Variants in UMAD1 observed in about 807,000 individuals in gnomAD.
UMAD1 encodes UBAP1-MVB12-associated (UMA) domain containing 1, also known as UBAP1-MVB12-associated (UMA)-domain containing protein 1.
UMAD1 carries 8 observed loss-of-function variants against 6.1 expected under a neutral mutation model. The observed-to-expected ratio is 1.30, with a 90% CI of 0.76 to 2.35. The LOEUF (loss-of-function observed/expected upper bound fraction) is 2.35. Among genes scored for constraint, UMAD1 ranks in the 30% most tolerant of loss-of-function variants. The probability of loss-of-function intolerance (pLI) is 0.00; values close to 1 mark genes in which losing one functional copy is unlikely to be tolerated. For missense variants in UMAD1, 130 were observed against 78.4 expected, an observed-to-expected ratio of 1.66 and a Z score of -2.49; for synonymous variants, 56 against 31.4, an observed-to-expected ratio of 1.78 and a Z score of -2.61.
intron 2 of UMAD1, among the ~76,000 whole-genome samples, chr7:7,779,882 G>A (rs918615408): frequency 2.6e-5 from 4 of 152,242 alleles, no homozygotes; most frequent in Admixed American, 1.3e-4. Context: ...GAACTCAAGC[G>A]ATCCGCCAGC....
At chr7:7,806,512 G>A (rs1175933500) in intron 3 of UMAD1, among the ~76,000 whole-genome samples, 1 of 152,068 alleles carries the variant, frequency 6.6e-6, no homozygotes, top group Admixed American at 6.5e-5. Context: ...TAACATAAAT[G>A]CCCTGTCAAT....
At chr7:7,734,067 CA>C (rs1781304749) in intron 2 of UMAD1, among the ~76,000 whole-genome samples, 1 of 152,030 alleles carries the variant, frequency 6.6e-6, no homozygotes, top group African/African-American at 2.4e-5. Context: ...CCCCCGCAAC[CA>C]ACCCTTTTTT....
chr7:7,646,859 G>T (rs1785107312), intron 1 of UMAD1, among the ~76,000 whole-genome samples: 1 of 152,102 alleles, frequency 6.6e-6, no homozygotes, highest in South Asian at 2.1e-4. Context: ...CCTGGGGTTT[G>T]GGGTTTATAT....
At chr7:7,767,181 G>C (rs1782004967) in intron 2 of UMAD1, among the ~76,000 whole-genome samples, 1 of 144,788 alleles carries the variant, frequency 6.9e-6, no homozygotes, top group Non-Finnish European at 1.5e-5. Flanking sequence ...CTGGAGTGCA[G>C]TGGCACAATC....
chr7:7,761,837 T>C (rs1214336107), intron 2 of UMAD1, among the ~76,000 whole-genome samples: 2 of 152,214 alleles, frequency 1.3e-5, no homozygotes, highest in Admixed American at 1.3e-4. Flanking sequence ...CTCTTTTGTA[T>C]TCCATACACC....
intron 2 of UMAD1, among the ~76,000 whole-genome samples, chr7:7,768,167 C>G (rs1399073668): frequency 6.6e-6 from 1 of 152,080 alleles, no homozygotes; most frequent in Non-Finnish European, 1.5e-5. Context: ...GCCCAATACC[C>G]TGGCAGATTT....
intron 3 of UMAD1, among the ~76,000 whole-genome samples, chr7:7,838,466 A>G (rs1554334132): frequency 6.6e-6 from 1 of 152,214 alleles, no homozygotes; most frequent in Non-Finnish European, 1.5e-5. Context: ...ATATCAATAA[A>G]TGGTAAAAGA....
chr7:7,815,132 A>G (rs1437045844), intron 3 of UMAD1, among the ~76,000 whole-genome samples: 1 of 152,148 alleles, frequency 6.6e-6, no homozygotes, highest in African/African-American at 2.4e-5. Flanking sequence ...CTCGGGAGTG[A>G]TGGTTCCTCA....
chr7:7,873,406 T>A (rs768773081), intron 3 of UMAD1, among the ~76,000 whole-genome samples: 3 of 152,172 alleles, frequency 2.0e-5, no homozygotes, highest in Non-Finnish European at 4.4e-5. Context: ...GAGAATAGAA[T>A]GGTGGTGTCA....
intron 1 of UMAD1, among the ~76,000 whole-genome samples, chr7:7,644,306 T>A (rs970172229): frequency 3.9e-5 from 6 of 152,042 alleles, no homozygotes; most frequent in African/African-American, 1.4e-4. Context: ...ATGGTACAAG[T>A]GTTGTCTGTT....
intron 1 of UMAD1, among the ~76,000 whole-genome samples, chr7:7,655,661 C>T (rs1010255207): frequency 6.6e-6 from 1 of 152,046 alleles, no homozygotes; most frequent in African/African-American, 2.4e-5. Flanking sequence ...TATAACTTCC[C>T]TTTTTAATGG....
At chr7:7,697,910 A>G (rs989801033) in intron 2 of UMAD1, among the ~76,000 whole-genome samples, 2 of 152,162 alleles carry the variant, frequency 1.3e-5, no homozygotes, top group Non-Finnish European at 2.9e-5. Context: ...GAAAATTTTG[A>G]TATTCCCTCA....
At chr7:7,778,263 TGTGTGTGTGTGTGAGAGA>T (rs1306443661) in intron 2 of UMAD1, among the ~76,000 whole-genome samples, 1 of 135,778 alleles carries the variant, frequency 7.4e-6, no homozygotes, top group African/African-American at 2.9e-5. Flanking sequence ...TGTGTGTGTG[TGTGTGTGTGTGTGAGAGA>T]GAGAGAGAGA....
chr7:7,807,903 G>C (rs777930008), intron 3 of UMAD1, among the ~76,000 whole-genome samples: 61 of 151,982 alleles, frequency 4.0e-4, no homozygotes, highest in Non-Finnish European at 7.7e-4. Flanking sequence ...CTACATCATA[G>C]TTTCCTATGT....
intron 2 of UMAD1, among the ~76,000 whole-genome samples, chr7:7,762,012 T>C (rs527246275): frequency 3.3e-5 from 5 of 152,250 alleles, no homozygotes; most frequent in African/African-American, 1.2e-4. Context: ...CAGTTGCAGG[T>C]TTTTCAGGAG....
Position 7,695,100 on chromosome 7 carries a change from T to C in UMAD1, c.82+21647T>C, listed in dbSNP as rs577593443. On this transcript the variant is annotated intron_variant, in intron 2 of 3. Coordinates refer to ENST00000682710, the MANE Select transcript of UMAD1 (RefSeq NM_001302348.2). ...CCATTTTAACTGGGGTGAGATGATA[T>C]CTTGTTGTAATTATGATTTGCTTTC... Among the ~76,000 whole-genome samples, 236 of 152,326 alleles carry C rather than the reference T, an allele frequency of 1.5e-3. 1 individual carries two copies. The highest frequency in any genetic ancestry group is 5.4e-3 in the African/African-American group (225 of 41,576).
Position 7,676,008 on chromosome 7 carries a change from G to GT in UMAD1, c.82+2559dup, listed in dbSNP as rs1028571440. The GT allele has an allele frequency of 1.3e-5, 5 of 396,220 alleles. No individual in the cohort carries two copies. The Admixed American group carries it at 1.3e-4, about 11-fold the overall frequency. 24.5% of individuals were successfully genotyped at this position (396,220 alleles called of 1,614,324 possible). A position where few individuals can be genotyped will look rare whatever the true frequency, so the allele number is the denominator to read the frequency against. On this transcript the variant is annotated intron_variant, in intron 2 of 3. Coordinates refer to ENST00000682710, the MANE Select transcript of UMAD1 (RefSeq NM_001302348.2). ...CTGTGGGTACCATTACTCTCCTGAA[G>GT]TTTTGATGGTATCAGTCAGCATCAT...
chr7:7,661,328 A>G (rs1785469424), intron 1 of UMAD1, among the ~76,000 whole-genome samples: 1 of 152,036 alleles, frequency 6.6e-6, no homozygotes, highest in Non-Finnish European at 1.5e-5. Context: ...CAATTTGTCA[A>G]ACTCACCATT....
intron 3 of UMAD1, among the ~76,000 whole-genome samples, chr7:7,813,410 C>T (rs61471546): frequency 0.035 from 5,319 of 152,084 alleles, 322 homozygotes; most frequent in African/African-American, 0.12. Flanking sequence ...TTCACCGTAT[C>T]GGCCAGGCTG....
Sources: allele counts gnomAD v4.1 joint callset (sites outside exome capture counted in the v4.1 genomes callset), GRCh38; gene constraint gnomAD v4.1.1; transcripts MANE v1.5; gene names NCBI Gene and HGNC (gene_info 2026-07-23, HGNC 2026-07-21).